Variants in UGT1A10 observed in about 807,000 individuals in gnomAD.
UGT1A10 encodes UDP-glucuronosyltransferase 1A10.
A neutral mutation model predicts 45.8 loss-of-function variants in UGT1A10; 49 were observed. The ratio of observed to expected loss-of-function variants is 1.07; its 90% CI spans 0.85 to 1.36. The LOEUF is 1.36. UGT1A10 is among the 40% of genes most tolerant of loss of function. The pLI is 0.00. For missense variants in UGT1A10, 745 were observed against 668.6 expected (o/e 1.11, Z -1.26); for synonymous variants, 284 against 249.7 (o/e 1.14, Z -1.29).
rs763571226 is a variant in UGT1A10, at chr2:233,693,560, C to T, written c.855+56183C>T. ...CCTGGAGCATACATTCAGCAGAAGCCCAGACCCTGTGTCCTACATTCCCAG... is the reference window on the plus strand; with the variant it reads ...CCTGGAGCATACATTCAGCAGAAGCTCAGACCCTGTGTCCTACATTCCCAG... On this transcript the variant is annotated intron_variant, in intron 1 of 4. Transcript: ENST00000344644. The T allele has an allele frequency of 2.8e-5, 45 of 1,614,066 alleles. No individual in the cohort carries two copies. In the Admixed American group the frequency reaches 7.3e-4, roughly 26 times the overall value.
intron 1 of UGT1A10, among the ~76,000 whole-genome samples, chr2:233,737,582 C>T (rs532884650): frequency 6.6e-6 from 1 of 152,312 alleles, no homozygotes; most frequent in Non-Finnish European, 1.5e-5. Context: ...CAACCAGTCC[C>T]AATGAGATGA....
intron 1 of UGT1A10, among the ~76,000 whole-genome samples, chr2:233,703,248 G>A (rs1279387068): frequency 2.0e-5 from 3 of 152,122 alleles, no homozygotes; most frequent in Non-Finnish European, 2.9e-5. Context: ...GGCCCAGAGT[G>A]TTCCCTTATA....
Position 233,768,349 on chromosome 2 carries a change from A to T in UGT1A10, c.1205A>T (p.Glu402Val), listed in dbSNP as rs1699604029. The change falls in exon 4 of 5, where the codon GAG becomes GTG. Residue 402 changes from glutamate to valine, a missense_variant. By Grantham distance (121) the Glu-to-Val change is moderately radical. Coordinates refer to ENST00000344644, the MANE Select transcript of UGT1A10 (RefSeq NM_019075.4). The stretch of plus-strand genomic sequence containing the variant: ...CAGATGGACAATGCAAAGCGCATGG[A>T]GACTAAGGGAGCTGGAGTGACCCTG... Reference protein sequence around the residue: ...GDQMDNAKRMETKGAGVTLNV... With the variant: ...GDQMDNAKRMVTKGAGVTLNV... The T allele has an allele frequency of 1.2e-6, 2 of 1,614,182 alleles. No homozygotes were observed. Among genetic ancestry groups the T allele is most frequent in the Non-Finnish European group, 8.5e-7 (1 of 1,180,036 alleles).
At chr2:233,691,954 T>G (rs1410011251) in intron 1 of UGT1A10, 1 of 152,322 alleles carries the variant, frequency 6.6e-6, no homozygotes, top group African/African-American at 2.4e-5. Flanking sequence ...CTTTTGTTAT[T>G]CAAAACAGAT....
intron 1 of UGT1A10, among the ~76,000 whole-genome samples, chr2:233,652,320 T>C (rs2073761439): frequency 1.3e-5 from 2 of 152,238 alleles, no homozygotes; most frequent in Admixed American, 1.3e-4. Context: ...TACAGTGTAA[T>C]GAGCACCCAT....
At chr2:233,771,020 A>T (rs1052274200) in intron 4 of UGT1A10, 14 of 152,140 alleles carry the variant, frequency 9.2e-5, no homozygotes, top group Non-Finnish European at 2.1e-4. Flanking sequence ...GGAGCGAGAG[A>T]GAGTTGGGGG....
chr2:233,701,684 A>T (rs1575471996), intron 1 of UGT1A10, among the ~76,000 whole-genome samples: 1 of 152,382 alleles, frequency 6.6e-6, no homozygotes, highest in East Asian at 1.9e-4. Context: ...CTCAGAATTA[A>T]GAAAATCACT....
intron 1 of UGT1A10, chr2:233,693,817 G>A (rs1367141196): frequency 6.2e-7 from 1 of 1,614,142 alleles, no homozygotes; most frequent in Non-Finnish European, 8.5e-7. Flanking sequence ...TGCCCAACAT[G>A]GTCTTCATTG....
At chr2:233,692,958 G>T (rs753851963) in intron 1 of UGT1A10, 3 of 1,607,532 alleles carry the variant, frequency 1.9e-6, no homozygotes, top group Non-Finnish European at 1.7e-6. Context: ...CTGTGATTTG[G>T]AGAGTGAAAA....
At chr2:233,654,197 A>G (rs1230363250) in intron 1 of UGT1A10, among the ~76,000 whole-genome samples, 1 of 152,196 alleles carries the variant, frequency 6.6e-6, no homozygotes, top group African/African-American at 2.4e-5. Flanking sequence ...AAAGTAAAAG[A>G]AAAAAAGGAA....
intron 1 of UGT1A10, among the ~76,000 whole-genome samples, chr2:233,733,322 C>A (rs1174900134): frequency 6.6e-6 from 1 of 152,146 alleles, no homozygotes; most frequent in African/African-American, 2.4e-5. Context: ...CCTGATTGCC[C>A]TGGCCAGAAC....
intron 1 of UGT1A10, among the ~76,000 whole-genome samples, chr2:233,751,862 A>G (rs1489873330): frequency 6.6e-6 from 1 of 152,176 alleles, no homozygotes; most frequent in Admixed American, 6.5e-5. Flanking sequence ...TGTCTTTTAT[A>G]AATTACCCCG....
intron 1 of UGT1A10, among the ~76,000 whole-genome samples, chr2:233,727,779 C>T (rs1053796621): frequency 3.3e-5 from 5 of 152,220 alleles, no homozygotes; most frequent in East Asian, 1.9e-4. Flanking sequence ...CCCCAGTAGA[C>T]GCTTCCATTC....
At chr2:233,671,710 C>G in intron 1 of UGT1A10, 1 of 970,568 alleles carries the variant, frequency 1.0e-6, no homozygotes, top group Non-Finnish European at 1.4e-6. Flanking sequence ...AGGCAAAGAC[C>G]ATAAGCTACT....
chr2:233,657,179 C>T (rs1160739993), intron 1 of UGT1A10, among the ~76,000 whole-genome samples: 3 of 152,166 alleles, frequency 2.0e-5, no homozygotes, highest in African/African-American at 7.2e-5. Context: ...CTATCAAGGT[C>T]CCCCATCATC....
intron 1 of UGT1A10, among the ~76,000 whole-genome samples, chr2:233,745,583 G>A (rs1693151733): frequency 6.6e-6 from 1 of 151,632 alleles, no homozygotes; most frequent in Non-Finnish European, 1.5e-5. Context: ...GACATAACCT[G>A]AGACCCGGAC....
At position 233,682,573 on chromosome 2, in the gene UGT1A10, G is replaced by T. The variant is rs779317114; in HGVS notation, c.855+45196G>T. On this transcript the variant is annotated intron_variant, in intron 1 of 4. Transcript: ENST00000344644. ...AGGAGAGAGTATGGAACCACATCATGCACTTGGAGGAACATTTATTTTGCC... is the reference window on the plus strand; with the variant it reads ...AGGAGAGAGTATGGAACCACATCATTCACTTGGAGGAACATTTATTTTGCC... The T allele has an allele frequency of 6.2e-7, 1 of 1,613,788 alleles. No individual in the cohort carries two copies. Among genetic ancestry groups the T allele is most frequent in the South Asian group, 1.1e-5 (1 of 91,066 alleles).
chr2:233,676,601 T>A lies in UGT1A10; in HGVS notation c.855+39224T>A, dbSNP rs539134950. 2.6e-5 allele frequency among the ~76,000 whole-genome samples: 4 copies of A among 152,314 alleles called. No homozygotes were observed. In the South Asian group the frequency reaches 8.3e-4, roughly 32 times the overall value. Reference sequence around the variant, plus strand: ...CCTGAAATGTAGTCATCATGTCTCCTTTGTCTCCTCCAGCCTGTGACGGTT... The same window carrying A: ...CCTGAAATGTAGTCATCATGTCTCCATTGTCTCCTCCAGCCTGTGACGGTT... On this transcript the variant is annotated intron_variant, in intron 1 of 4. Coordinates refer to ENST00000344644, the MANE Select transcript of UGT1A10 (RefSeq NM_019075.4).
intron 1 of UGT1A10, among the ~76,000 whole-genome samples, chr2:233,699,129 CAG>C (rs1340305357): frequency 6.6e-6 from 1 of 152,214 alleles, no homozygotes; most frequent in Non-Finnish European, 1.5e-5. Context: ...CTACTTATGT[CAG>C]ATTCTCATGG....
Sources: allele counts gnomAD v4.1 joint callset (sites outside exome capture counted in the v4.1 genomes callset), GRCh38; gene constraint gnomAD v4.1.1; transcripts MANE v1.5; gene names NCBI Gene and HGNC (gene_info 2026-07-23, HGNC 2026-07-21).